Variants in CLDN16 observed in about 807,000 individuals in gnomAD.
The protein encoded by CLDN16 is claudin 16.
In CLDN16, 13 loss-of-function variants were observed where a neutral mutation model predicts 24.6. The ratio of observed to expected loss-of-function variants is 0.53; its 90% CI spans 0.34 to 0.84. The LOEUF (loss-of-function observed/expected upper bound fraction) is 0.84. CLDN16 is among the 40% of genes least tolerant of loss of function. CLDN16 has a pLI of 0.01. For synonymous variants in CLDN16, 116 were observed against 106.7 expected, an observed-to-expected ratio of 1.09 and a Z score of -0.54; for missense variants, 298 against 292.7, an observed-to-expected ratio of 1.02 and a Z score of -0.13.
At chr3:190,393,328 C>A (rs141845430) in intron 1 of CLDN16, among the ~76,000 whole-genome samples, 79 of 152,270 alleles carry the variant, frequency 5.2e-4, no homozygotes, top group African/African-American at 1.8e-3. Flanking sequence ...GAACACAATT[C>A]TTTACAATGG....
At chr3:190,391,259 AAGAAG>A (rs1366572681) in intron 1 of CLDN16, among the ~76,000 whole-genome samples, 1 of 150,022 alleles carries the variant, frequency 6.7e-6, no homozygotes, top group Non-Finnish European at 1.5e-5. Flanking sequence ...CGGGATTTAG[AAGAAG>A]AGTTTTGTGG....
chr3:190,375,672 T>C (rs1313872806), intron 3 of CLDN16, among the ~76,000 whole-genome samples: 1 of 151,986 alleles, frequency 6.6e-6, no homozygotes, highest in Non-Finnish European at 1.5e-5. Context: ...AAACATTTAC[T>C]GTTGATCCCA....
chr3:190,392,674 T>C (rs1718710596), intron 1 of CLDN16, among the ~76,000 whole-genome samples: 1 of 151,926 alleles, frequency 6.6e-6, no homozygotes, highest in African/African-American at 2.4e-5. Flanking sequence ...GAAGAACAGG[T>C]GAGTGAAGCA....
chr3:190,307,398 A>G, the CLDN16 span: 1 of 152,198 alleles, frequency 6.6e-6, no homozygotes, highest in East Asian at 1.9e-4. Context: ...TTGTGTTACA[A>G]CACCTGGGGG....
chr3:190,302,424 G>A, the CLDN16 span, among the ~76,000 whole-genome samples: 4 of 152,124 alleles, frequency 2.6e-5, no homozygotes, highest in African/African-American at 4.8e-5. Context: ...CACAACTCCA[G>A]GGGCACCATT....
chr3:190,392,287 CCT>C (rs761037431), intron 1 of CLDN16, among the ~76,000 whole-genome samples: 5 of 151,900 alleles, frequency 3.3e-5, no homozygotes, highest in East Asian at 1.9e-4. Context: ...CTTTATTCCC[CCT>C]CTCTCTTTTC....
intron 1 of CLDN16, among the ~76,000 whole-genome samples, chr3:190,362,861 G>A (rs1717928748): frequency 6.6e-6 from 1 of 151,818 alleles, no homozygotes; most frequent in Non-Finnish European, 1.5e-5. Context: ...TTCCTGTTTT[G>A]TTGACTTTAT....
intron 1 of CLDN16, among the ~76,000 whole-genome samples, chr3:190,350,293 C>A (rs1717642534): frequency 6.7e-6 from 1 of 149,744 alleles, no homozygotes. Context: ...AATGATAAAG[C>A]TTTTCTACAT....
At chr3:190,296,009 C>T in the CLDN16 span, among the ~76,000 whole-genome samples, 1 of 151,924 alleles carries the variant, frequency 6.6e-6, no homozygotes, top group East Asian at 1.9e-4. Context: ...GAGTTTTCTT[C>T]CCTGATAATT....
chr3:190,350,249 A>G (rs1208528400), intron 1 of CLDN16, among the ~76,000 whole-genome samples: 1 of 152,100 alleles, frequency 6.6e-6, no homozygotes, highest in South Asian at 2.1e-4. Flanking sequence ...TTCCCTGCGT[A>G]AAGCTCTTCA....
chr3:190,303,126 T>A, the CLDN16 span, among the ~76,000 whole-genome samples: 1 of 152,186 alleles, frequency 6.6e-6, no homozygotes, highest in African/African-American at 2.4e-5. Context: ...TGGTAAAAAA[T>A]TATCACAAAA....
chr3:190,300,468 T>C, the CLDN16 span, among the ~76,000 whole-genome samples: 5 of 152,310 alleles, frequency 3.3e-5, no homozygotes, highest in South Asian at 2.1e-4. Context: ...TTGTTAACTA[T>C]AGCCCGTAGG....
chr3:190,321,974 G>A (rs578019590), upstream of CLDN16: 12 of 1,610,812 alleles, frequency 7.4e-6, no homozygotes, highest in South Asian at 1.2e-4. Context: ...TGAGGTGGGG[G>A]TGCACTCACT....
chr3:190,299,403 G>A, the CLDN16 span, among the ~76,000 whole-genome samples: 1 of 151,738 alleles, frequency 6.6e-6, no homozygotes, highest in Non-Finnish European at 1.5e-5. Flanking sequence ...CCCTTCTGAT[G>A]TTTCTATTAT....
intron 4 of CLDN16, among the ~76,000 whole-genome samples, chr3:190,409,284 A>ATATATGCACACATGTATATGTATGTG (rs1719206224): frequency 6.6e-6 from 1 of 152,076 alleles, no homozygotes; most frequent in African/African-American, 2.4e-5. Context: ...ATATGTATGT[A>ATATATGCACACATGTATATGTATGTG]TATATGCACA....
At chr3:190,302,785 T>A in the CLDN16 span, among the ~76,000 whole-genome samples, 15,642 of 135,008 alleles carry the variant, frequency 0.12, 919 homozygotes, top group Middle Eastern at 0.17. Flanking sequence ...AAAAAATATA[T>A]ATATATATAT....
At chr3:190,298,344 A>T in the CLDN16 span, among the ~76,000 whole-genome samples, 8 of 81,702 alleles carry the variant, frequency 9.8e-5, no homozygotes, top group Admixed American at 6.1e-4. Flanking sequence ...TCACATGTAT[A>T]TTATACACAC....
At chr3:190,322,189 C>A, upstream of CLDN16, 3 of 1,613,956 alleles carry the variant, frequency 1.9e-6, no homozygotes, top group Non-Finnish European at 2.5e-6. Flanking sequence ...CCAACAGCTG[C>A]AGCCCCGCGT....
chr3:190,340,695 C>T (rs1207412856), intron 1 of CLDN16, among the ~76,000 whole-genome samples: 4 of 152,220 alleles, frequency 2.6e-5, no homozygotes, highest in Middle Eastern at 3.4e-3. Flanking sequence ...CAACAGTCCC[C>T]CAACATCTTA....
Sources: gnomAD v4.1 joint callset for allele counts (sites outside exome capture counted in the v4.1 genomes callset) on GRCh38, gnomAD v4.1.1 for gene constraint, MANE v1.5 for transcripts, NCBI Gene and HGNC (gene_info 2026-07-23, HGNC 2026-07-21) for gene names.